The following SVIP variants were observed in gnomAD, a reference collection of about 807,000 sequenced individuals.
SVIP encodes the protein small VCP interacting protein, also known as small VCP/p97-interacting protein.
A neutral mutation model predicts 12.9 loss-of-function variants in SVIP; 14 were observed. That is an observed-to-expected ratio of 1.08 (90% CI 0.72 to 1.70). The LOEUF (loss-of-function observed/expected upper bound fraction) is 1.70, where lower values mean the gene tolerates loss of function less well. Among genes scored for constraint, SVIP ranks in the 40% most tolerant of loss-of-function variants. The probability of loss-of-function intolerance (pLI) is 0.00; values close to 1 mark genes in which losing one functional copy is unlikely to be tolerated. For synonymous variants in SVIP, 35 were observed against 33.3 expected, an observed-to-expected ratio of 1.05 and a Z score of -0.17; for missense variants, 93 against 90.8, an observed-to-expected ratio of 1.02 and a Z score of -0.10.
chr11:22,829,535 A>T, intron 1 of SVIP, 160 bp downstream of exon 1: 1 of 647,338 alleles, frequency 1.5e-6, no homozygotes, highest in Non-Finnish European at 2.6e-6. Context: ...CTCTGACAGG[A>T]CCCAACGACC....
chr11:22,829,614 A>T, intron 1 of SVIP, 81 bp downstream of exon 1: 1 of 1,428,448 alleles, frequency 7.0e-7, no homozygotes, highest in Non-Finnish European at 9.6e-7. Context: ...GCCACCAGGT[A>T]CAATGGCTCG....
At chr11:22,828,656 G>C (rs368451252) in intron 1 of SVIP, among the ~76,000 whole-genome samples, 4 of 152,160 alleles carry the variant, frequency 2.6e-5, no homozygotes, top group African/African-American at 7.2e-5. Context: ...TATGAGGATG[G>C]GGGGGAGGGC....
rs973161077 is a variant in SVIP at position 22,827,437 on chromosome 11, AT to A, written c.106-118del. The A allele has an allele frequency of 1.0e-5, 8 of 797,908 alleles. No homozygotes were observed. In the African/African-American group the frequency reaches 1.3e-4, roughly 13 times the overall value. The allele number at this position is 797,908 out of a possible 1,614,324, so 49.4% of individuals were successfully genotyped here. A position where few individuals can be genotyped will look rare whatever the true frequency, so the allele number is the denominator to read the frequency against. On this transcript the variant is annotated intron_variant, in intron 2 of 3. Coordinates refer to ENST00000354193, the MANE Select transcript of SVIP (RefSeq NM_148893.3). ...TTCTTTGGGGGTAGGGAGTTGGTTT[AT>A]TTTTGGTAACATAGAAGGAGTGTTT...
intron 2 of SVIP, 28 bp from the exon 3 acceptor site, chr11:22,827,348 A>AT (rs753745968): frequency 1.3e-6 from 2 of 1,562,838 alleles, no homozygotes; most frequent in African/African-American, 2.8e-5. Context: ...AGAAAAACAG[A>AT]AAGACAACAA....
At chr11:22,828,922 G>A (rs2134773666) in intron 1 of SVIP, among the ~76,000 whole-genome samples, 1 of 152,296 alleles carries the variant, frequency 6.6e-6, no homozygotes, top group South Asian at 2.1e-4. Flanking sequence ...TAAAGATACT[G>A]TTAACAGAAA....
chr11:22,829,021 A>T (rs745383121), intron 1 of SVIP, among the ~76,000 whole-genome samples: 1 of 152,212 alleles, frequency 6.6e-6, no homozygotes, highest in South Asian at 2.1e-4. Flanking sequence ...TTGTAGAACT[A>T]GATCCCTAAT....
Position 22,824,486 on chromosome 11 carries a change from GTA to G in SVIP, c.220-1355_220-1354del, listed in dbSNP as rs201031029. ...CACATATATATACGTATATATATAT[GTA>G]TATATATACGTATATATATACACAC... On this transcript the variant is annotated intron_variant, in intron 3 of 3. Coordinates refer to ENST00000354193, the MANE Select transcript of SVIP (RefSeq NM_148893.3). Among the ~76,000 whole-genome samples, 968 of 131,102 alleles carry G rather than the reference GTA, an allele frequency of 7.4e-3. 62 individuals are homozygous for G. The East Asian group carries it at 0.18, about 24-fold the overall frequency. 86.0% of individuals were successfully genotyped at this position (131,102 alleles called of 152,430 possible). A position where few individuals can be genotyped will look rare whatever the true frequency, so the allele number is the denominator to read the frequency against.
Position 22,820,493 on chromosome 11 carries a change from T to C in SVIP, c.*2626A>G, listed in dbSNP as rs1046182739. On this transcript the variant is annotated 3_prime_UTR_variant, in exon 4 of 4. Transcript: ENST00000354193. ...ACAACCTTTGGTTCTGTTGCTCTTCTGAATCCCAATGTGATTAAAATGTTC... is the reference window on the plus strand; with the variant it reads ...ACAACCTTTGGTTCTGTTGCTCTTCCGAATCCCAATGTGATTAAAATGTTC... The C allele has an allele frequency of 3.3e-5, 5 of 152,214 alleles. No individual in the cohort carries two copies. The highest frequency in any genetic ancestry group is 1.2e-4 in the African/African-American group (5 of 41,466). The allele number at this position is 152,214 out of a possible 1,614,324, so 9.4% of individuals were successfully genotyped here. A position where few individuals can be genotyped will look rare whatever the true frequency, so the allele number is the denominator to read the frequency against.
At chr11:22,823,187 C>CTTCA in intron 3 of SVIP, 54 bp from the exon 4 acceptor site, 4 of 1,302,536 alleles carry the variant, frequency 3.1e-6, no homozygotes, top group Non-Finnish European at 4.3e-6. Context: ...AGTTATATAA[C>CTTCA]AGTACTTCAG....
Position 22,827,331 on chromosome 11 carries a change from T to G in SVIP, c.106-11A>C. ...TCCCCGAGATGCAGCCTTGAAGAAA[T>G]TTGATAAGAAAAACAGAAAGACAAC... On this transcript the variant is annotated splice_polypyrimidine_tract_variant and intron_variant, in intron 2 of 3. Coordinates refer to ENST00000354193, the MANE Select transcript of SVIP (RefSeq NM_148893.3). 1 of 1,584,834 alleles carries G rather than the reference T, an allele frequency of 6.3e-7. No individual in the cohort carries two copies. The highest frequency in any genetic ancestry group is 8.6e-7 in the Non-Finnish European group (1 of 1,169,258).
At chr11:22,824,498 G>GTATATATATATGTATATATATACGTA (rs34755709) in intron 3 of SVIP, among the ~76,000 whole-genome samples, 37 of 138,740 alleles carry the variant, frequency 2.7e-4, no homozygotes, top group Admixed American at 6.5e-4. Flanking sequence ...ATATATATAC[G>GTATATATATATGTATATATATACGTA]TATATATATA....
rs1857513467 is a variant in SVIP at position 22,822,245 on chromosome 11, T to A, written c.*874A>T. ...CCTACATGTTTTTTTCATACATTCA[T>A]ACTTGCCTTCGCAGTTTCACATCTG... On this transcript the variant is annotated 3_prime_UTR_variant, in exon 4 of 4. Coordinates refer to ENST00000354193, the MANE Select transcript of SVIP (RefSeq NM_148893.3). 6.6e-6 allele frequency: 1 copy of A among 152,198 alleles called. No homozygotes were observed. Among genetic ancestry groups the A allele is most frequent in the Admixed American group, 6.5e-5 (1 of 15,276 alleles). 9.4% of individuals were successfully genotyped at this position (152,198 alleles called of 1,614,324 possible). A position where few individuals can be genotyped will look rare whatever the true frequency, so the allele number is the denominator to read the frequency against.
Position 22,822,615 on chromosome 11 carries a change from C to T in SVIP, c.*504G>A, listed in dbSNP as rs1216262707. 1 of 152,216 alleles carries T rather than the reference C, an allele frequency of 6.6e-6. No individual in the cohort carries two copies. Among genetic ancestry groups the T allele is most frequent in the African/African-American group, 2.4e-5 (1 of 41,424 alleles). The allele number at this position is 152,216 out of a possible 1,614,324, so 9.4% of individuals were successfully genotyped here. On this transcript the variant is annotated 3_prime_UTR_variant, in exon 4 of 4. Transcript: ENST00000354193. ...CTAAGTTATAAAAATTTACAGTGCT[C>T]CTTCACATCAGCCCTTCAAATGATT...
At position 22,821,178 on chromosome 11, in the gene SVIP, G is replaced by T. The variant is rs1284568515; in HGVS notation, c.*1941C>A. 6.8e-6 allele frequency: 1 copy of T among 146,430 alleles called. No homozygotes were observed. The highest frequency in any genetic ancestry group is 1.5e-5 in the Non-Finnish European group (1 of 66,750). The allele number at this position is 146,430 out of a possible 1,614,324, so 9.1% of individuals were successfully genotyped here. Reference sequence around the variant, plus strand: ...TTTTTAGTCATGTTTTTAGTCATTTGCTTTTTTTTTTAGTCATTTACCGGT... The same window carrying T: ...TTTTTAGTCATGTTTTTAGTCATTTTCTTTTTTTTTTAGTCATTTACCGGT... On this transcript the variant is annotated 3_prime_UTR_variant, in exon 4 of 4. Coordinates refer to ENST00000354193, the MANE Select transcript of SVIP (RefSeq NM_148893.3).
chr11:22,827,396 T>C, intron 2 of SVIP, 76 bp from the exon 3 acceptor site: 1 of 1,259,162 alleles, frequency 7.9e-7, no homozygotes, highest in Non-Finnish European at 1.1e-6. Context: ...TTTGTCTATC[T>C]TTGCTTTCTA....
At chr11:22,826,346 G>T (rs1857701803) in intron 3 of SVIP, among the ~76,000 whole-genome samples, 1 of 150,066 alleles carries the variant, frequency 6.7e-6, no homozygotes, top group Non-Finnish European at 1.5e-5. Context: ...CCATGTATAT[G>T]TATGTGCATG....
chr11:22,819,432 T>C lies in SVIP; in HGVS notation c.*3687A>G, dbSNP rs891803463. ...AATGGATCAAACCTGTTTTGATAAC[T>C]AGAAGACATTAACTCAAAACTCAAC... On this transcript the variant is annotated 3_prime_UTR_variant, in exon 4 of 4. Coordinates refer to ENST00000354193, the MANE Select transcript of SVIP (RefSeq NM_148893.3). The C allele has an allele frequency of 8.5e-5, 13 of 152,232 alleles. No homozygotes were observed. Among genetic ancestry groups the C allele is most frequent in the African/African-American group, 3.1e-4 (13 of 41,466 alleles). The allele number at this position is 152,232 out of a possible 1,614,324, so 9.4% of individuals were successfully genotyped here. A position where few individuals can be genotyped will look rare whatever the true frequency, so the allele number is the denominator to read the frequency against.
intron 1 of SVIP, among the ~76,000 whole-genome samples, chr11:22,828,717 A>T (rs1423766972): frequency 6.6e-6 from 1 of 152,088 alleles, no homozygotes. Flanking sequence ...CAACAAAATC[A>T]ACTTAATTTA....
At chr11:22,824,452 A>G (rs1236601572) in intron 3 of SVIP, among the ~76,000 whole-genome samples, 1 of 99,570 alleles carries the variant, frequency 1.0e-5, no homozygotes, top group Non-Finnish European at 2.4e-5. Context: ...ACACATATAT[A>G]TATATATACA....
Sources: allele counts gnomAD v4.1 joint callset (sites outside exome capture counted in the v4.1 genomes callset), GRCh38; gene constraint gnomAD v4.1.1; transcripts MANE v1.5; gene names NCBI Gene and HGNC (gene_info 2026-07-23, HGNC 2026-07-21).